The following B3GNT5 variants were observed in gnomAD, a reference collection of about 807,000 sequenced individuals.
The protein encoded by B3GNT5 is UDP-GlcNAc:betaGal beta-1,3-N-acetylglucosaminyltransferase 5, also known as lactosylceramide 1,3-N-acetyl-beta-D-glucosaminyltransferase.
In B3GNT5, 11 loss-of-function variants were observed where a neutral mutation model predicts 25.9. That is an observed-to-expected ratio of 0.42 (90% confidence interval 0.27 to 0.70). The LOEUF is 0.70. Among genes scored for constraint, B3GNT5 ranks in the 30% least tolerant of loss-of-function variants. B3GNT5 has a pLI of 0.23. For missense variants in B3GNT5, 385 were observed against 458.4 expected (o/e 0.84, Z 1.46); for synonymous variants, 166 against 158.6 (o/e 1.05, Z -0.35).
At chr3:183,257,664 G>T (rs1289816067) in intron 1 of B3GNT5, among the ~76,000 whole-genome samples, 1 of 152,120 alleles carries the variant, frequency 6.6e-6, no homozygotes, top group Admixed American at 6.5e-5. Context: ...ATCAAGTGTT[G>T]CTTCTAAAGA....
chr3:183,272,780 T>C lies in B3GNT5; in HGVS notation c.*1845T>C. 2 of 1,129,124 alleles carry C rather than the reference T, an allele frequency of 1.8e-6. No homozygotes were observed. Among genetic ancestry groups the C allele is most frequent in the Middle Eastern group, 3.9e-4 (1 of 2,594 alleles). The allele number at this position is 1,129,124 out of a possible 1,614,324, so 69.9% of individuals were successfully genotyped here. Reference sequence around the variant, plus strand: ...TTAATGATGTATTGCCTTTTGCCCATATATACCCTGTGTATCTATACTTGG... The same window carrying C: ...TTAATGATGTATTGCCTTTTGCCCACATATACCCTGTGTATCTATACTTGG... On this transcript the variant is annotated 3_prime_UTR_variant, in exon 2 of 2. Coordinates refer to ENST00000326505, the MANE Select transcript of B3GNT5 (RefSeq NM_032047.5).
intron 1 of B3GNT5, chr3:183,254,519 CG>C (rs1249302801): frequency 6.6e-6 from 1 of 152,154 alleles, no homozygotes; most frequent in African/African-American, 2.4e-5. Context: ...GCTCGGGGGC[CG>C]GGCAGCTCCG....
Position 183,269,885 on chromosome 3 carries a change from G to A in B3GNT5, c.87G>A (p.Met29Ile), listed in dbSNP as rs772295485. The change falls in exon 2 of 2, where the codon ATG (methionine) becomes ATA (isoleucine). Residue 29 changes from methionine (M) to isoleucine (I), a missense_variant. Coordinates refer to ENST00000326505, the MANE Select transcript of B3GNT5 (RefSeq NM_032047.5). Reference sequence around the variant, plus strand: ...CTACTTGTTTTTTAGCGAGCCTCATGTTTTTTTGGGAACCAATCGATAATC... The same window carrying A: ...CTACTTGTTTTTTAGCGAGCCTCATATTTTTTTGGGAACCAATCGATAATC... ...LFATCFLASL[M>I]FFWEPIDNHI... 6.2e-7 allele frequency: 1 copy of A among 1,613,910 alleles called. No homozygotes were observed. The highest frequency in any genetic ancestry group is 8.5e-7 in the Non-Finnish European group (1 of 1,179,956).
At position 183,271,213 on chromosome 3, in the gene B3GNT5, T is replaced by C. The variant is rs1560391626; in HGVS notation, c.*278T>C. ...GTTCAAGTTCTCATGTAATGCCACA[T>C]ATATACTTGAGGTGTAGAGATGTTA... On this transcript the variant is annotated 3_prime_UTR_variant, in exon 2 of 2. Transcript: ENST00000326505. The C allele has an allele frequency of 3.6e-6, 1 of 277,476 alleles. No homozygotes were observed. The highest frequency in any genetic ancestry group is 7.1e-6 in the Non-Finnish European group (1 of 140,042). The allele number at this position is 277,476 out of a possible 1,614,324, so 17.2% of individuals were successfully genotyped here.
At chr3:183,255,942 T>C (rs1725008481) in intron 1 of B3GNT5, among the ~76,000 whole-genome samples, 2 of 152,204 alleles carry the variant, frequency 1.3e-5, no homozygotes, top group Admixed American at 1.3e-4. Context: ...CTTGGTGACT[T>C]TCACATTGTA....
At chr3:183,254,495 G>A (rs1338884832) in intron 1 of B3GNT5, 2 of 152,138 alleles carry the variant, frequency 1.3e-5, no homozygotes, top group Non-Finnish European at 2.9e-5. Flanking sequence ...CCGCCGCCCA[G>A]GTGCGGCAGG....
chr3:183,261,253 A>T (rs1161857611), intron 1 of B3GNT5, among the ~76,000 whole-genome samples: 1 of 152,138 alleles, frequency 6.6e-6, no homozygotes, highest in African/African-American at 2.4e-5. Context: ...TTTATTCCTG[A>T]TCTCTCTCAA....
rs1726740157 is a variant in B3GNT5, at chr3:183,271,140, G to T, written c.*205G>T. 2.2e-6 allele frequency: 1 copy of T among 453,540 alleles called. No individual in the cohort carries two copies. The highest frequency in any genetic ancestry group is 3.9e-6 in the Non-Finnish European group (1 of 259,688). The allele number at this position is 453,540 out of a possible 1,614,324, so 28.1% of individuals were successfully genotyped here. On this transcript the variant is annotated 3_prime_UTR_variant, in exon 2 of 2. Transcript: ENST00000326505. ...TGCCTAAGTTCATTTCAAAGAATTTGTATTTAGAAAAGGTTTATATTATTA... is the reference window on the plus strand; with the variant it reads ...TGCCTAAGTTCATTTCAAAGAATTTTTATTTAGAAAAGGTTTATATTATTA...
chr3:183,255,962 G>C (rs150134043), intron 1 of B3GNT5, among the ~76,000 whole-genome samples: 30 of 152,270 alleles, frequency 2.0e-4, no homozygotes, highest in African/African-American at 6.7e-4. Context: ...AAAGGGTCCA[G>C]TTCTTTCTGA....
rs60835895 is a variant in B3GNT5, at chr3:183,269,230, C to CTTTTTTTTTTTTTTTTTTTTTTTTTTTT, written c.-301-250_-301-249insTTTTTTTTTTTTTTTTTTTTTTTTTTTT. The stretch of plus-strand genomic sequence containing the variant: ...TACACGATTATAGCCGTTTGGGAAG[C>CTTTTTTTTTTTTTTTTTTTTTTTTTTTT]TTTTTTTTTTTTTTTTTTAAGAGTA... On this transcript the variant is annotated intron_variant, in intron 1 of 1. Coordinates refer to ENST00000326505, the MANE Select transcript of B3GNT5 (RefSeq NM_032047.5). Among the ~76,000 whole-genome samples, 19 of 80,998 alleles carry CTTTTTTTTTTTTTTTTTTTTTTTTTTTT rather than the reference C, an allele frequency of 2.3e-4. 4 individuals are homozygous for CTTTTTTTTTTTTTTTTTTTTTTTTTTTT. Among genetic ancestry groups the CTTTTTTTTTTTTTTTTTTTTTTTTTTTT allele is most frequent in the African/African-American group, 1.1e-3 (17 of 15,752 alleles). 53.1% of individuals were successfully genotyped at this position (80,998 alleles called of 152,430 possible).
Position 183,270,450 on chromosome 3 carries a change from T to C in B3GNT5, c.652T>C (p.Phe218Leu). Residue 218 changes from phenylalanine to leucine, a missense_variant, in exon 2 of 2, where the codon TTT becomes CTT. Phe to Leu is a conservative substitution (Grantham distance 22, BLOSUM62 0). Coordinates refer to ENST00000326505, the MANE Select transcript of B3GNT5 (RefSeq NM_032047.5). The surrounding 1 kb of genome is among the most constrained non-coding windows in gnomAD (Gnocchi z 4.5). ...TTTAGAACAAATTGGTGTTCAAGAC[T>C]TTTGGATTGGTCGTGTTCATCGTGG... ...QSLEQIGVQD[F>L]WIGRVHRGAP... 6.2e-7 allele frequency: 1 copy of C among 1,614,198 alleles called. No homozygotes were observed. Among genetic ancestry groups the C allele is most frequent in the Non-Finnish European group, 8.5e-7 (1 of 1,180,032 alleles).
chr3:183,255,101 A>T (rs913671103), intron 1 of B3GNT5, among the ~76,000 whole-genome samples: 5 of 152,218 alleles, frequency 3.3e-5, no homozygotes, highest in African/African-American at 1.2e-4. Flanking sequence ...ATGAAAGTAC[A>T]TCCATCAGAA....
Position 183,267,046 on chromosome 3 carries a change from A to G in B3GNT5, c.-301-2452A>G, listed in dbSNP as rs982958279. On this transcript the variant is annotated intron_variant, in intron 1 of 1. Coordinates refer to ENST00000326505, the MANE Select transcript of B3GNT5 (RefSeq NM_032047.5). This position sits in a 1 kb window ranked among gnomAD's most constrained non-coding sequence, Gnocchi z 5.5. ...AGTGATCCTCCTGCCTCGGCCTCCC[A>G]AAGCGCTAGGATTACAGGCGTGAGC... is the stretch of plus-strand genomic sequence containing the variant. 2.0e-5 allele frequency among the ~76,000 whole-genome samples: 3 copies of G among 152,122 alleles called. No homozygotes were observed. The highest frequency in any genetic ancestry group is 7.2e-5 in the African/African-American group (3 of 41,436).
chr3:183,270,285 G>C lies in B3GNT5; in HGVS notation c.487G>C (p.Asp163His). The C allele has an allele frequency of 6.2e-7, 1 of 1,614,144 alleles. No homozygotes were observed. The change falls in exon 2 of 2, where the codon GAT (aspartate) becomes CAT (histidine). Residue 163 changes from aspartate to histidine, a missense_variant. Coordinates refer to ENST00000326505, the MANE Select transcript of B3GNT5 (RefSeq NM_032047.5). This position sits in a 1 kb window ranked among gnomAD's most constrained non-coding sequence, Gnocchi z 4.5. ...YNDIIQQDFV[D>H]SFYNLTLKLL... Reference sequence around the variant, plus strand: ...TGATATAATTCAGCAAGACTTTGTTGATTCTTTCTACAATCTTACTCTGAA... The same window carrying C: ...TGATATAATTCAGCAAGACTTTGTTCATTCTTTCTACAATCTTACTCTGAA...
chr3:183,263,777 A>G (rs557591046), intron 1 of B3GNT5, among the ~76,000 whole-genome samples: 28 of 152,284 alleles, frequency 1.8e-4, no homozygotes, highest in African/African-American at 6.7e-4. Flanking sequence ...AACTCAGGAA[A>G]CCAGTTTTCC....
intron 1 of B3GNT5, among the ~76,000 whole-genome samples, chr3:183,257,957 C>CTTTTTTTT (rs1725201496): frequency 9.9e-6 from 1 of 101,350 alleles, no homozygotes; most frequent in Non-Finnish European, 1.8e-5. Flanking sequence ...TCCACTTCAC[C>CTTTTTTTT]CTTTTTTTTT....
chr3:183,253,874 C>G (rs1262069830), intron 1 of B3GNT5: 1 of 152,236 alleles, frequency 6.6e-6, no homozygotes, highest in Non-Finnish European at 1.5e-5. Context: ...CCGCATCTTT[C>G]CGCGGCCGAG....
intron 1 of B3GNT5, among the ~76,000 whole-genome samples, chr3:183,262,273 T>C (rs558780515): frequency 3.3e-5 from 5 of 151,136 alleles, no homozygotes; most frequent in Non-Finnish European, 7.4e-5. Context: ...TTGGTATACA[T>C]ACATATACTA....
At position 183,270,252 on chromosome 3, in the gene B3GNT5, A is replaced by C. The variant is rs1284536894; in HGVS notation, c.454A>C (p.Arg152=). 6 of 1,614,166 alleles carry C rather than the reference A, an allele frequency of 3.7e-6. No individual in the cohort carries two copies. Among genetic ancestry groups the C allele is most frequent in the African/African-American group, 1.3e-5 (1 of 75,062 alleles). Residue 152 remains arginine, a synonymous_variant, in exon 2 of 2, where the codon AGG becomes CGG. Coordinates refer to ENST00000326505, the MANE Select transcript of B3GNT5 (RefSeq NM_032047.5). The surrounding 1 kb of genome is among the most constrained non-coding windows in gnomAD (Gnocchi z 4.5). ...LQRKLAWEDQ[R]YNDIIQQDFV... ...AAGAAAACTGGCTTGGGAAGATCAA[A>C]GGTACAATGATATAATTCAGCAAGA...
Sources: gnomAD v4.1 joint callset for allele counts (sites outside exome capture counted in the v4.1 genomes callset) on GRCh38, gnomAD v4.1.1 for gene constraint, Gnocchi (gnomAD v3.1) non-coding constraint, MANE v1.5 for transcripts, NCBI Gene and HGNC (gene_info 2026-07-23, HGNC 2026-07-21) for gene names.